The following GRID2 variants were observed in gnomAD, a reference collection of about 807,000 sequenced individuals.
GRID2 encodes the protein glutamate ionotropic receptor delta type subunit 2.
In GRID2, 33 loss-of-function variants were observed where a neutral mutation model predicts 114.8. That is an observed-to-expected ratio of 0.29 (90% CI 0.22 to 0.38). GRID2 has a LOEUF of 0.38. Among genes scored for constraint, GRID2 ranks in the 10% least tolerant of loss-of-function variants. The probability of loss-of-function intolerance (pLI) is 1.00; values close to 1 mark genes in which losing one functional copy is unlikely to be tolerated. For missense variants in GRID2, 1,184 were observed against 1,257.7 expected, an observed-to-expected ratio of 0.94 and a Z score of 0.89; for synonymous variants, 505 against 449.9, an observed-to-expected ratio of 1.12 and a Z score of -1.55.
intron 4 of GRID2, among the ~76,000 whole-genome samples, chr4:93,155,963 A>G (rs1024052995): frequency 1.3e-5 from 2 of 151,818 alleles, no homozygotes; most frequent in Non-Finnish European, 2.9e-5. Context: ...AAAATCTAAA[A>G]GAGTAGAATT....
chr4:92,608,399 G>A (rs972102479), intron 2 of GRID2, among the ~76,000 whole-genome samples: 4 of 151,920 alleles, frequency 2.6e-5, no homozygotes, highest in African/African-American at 7.2e-5. Context: ...CAAAGATGCC[G>A]CTTCAAAGGT....
chr4:92,316,041 G>T (rs191155698), intron 1 of GRID2, among the ~76,000 whole-genome samples: 21 of 143,240 alleles, frequency 1.5e-4, no homozygotes, highest in Admixed American at 2.8e-4. Context: ...CTGTTGTTCT[G>T]TTGTATGACA....
chr4:93,734,150 C>T (rs1287413935), intron 14 of GRID2, among the ~76,000 whole-genome samples: 1 of 152,020 alleles, frequency 6.6e-6, no homozygotes, highest in Admixed American at 6.6e-5. Flanking sequence ...AAAGTTCTCC[C>T]TCAGAGGATA....
At chr4:92,650,963 G>A (rs1375004256) in intron 2 of GRID2, among the ~76,000 whole-genome samples, 1 of 151,974 alleles carries the variant, frequency 6.6e-6, no homozygotes, top group Non-Finnish European at 1.5e-5. Context: ...TTCTGTCAAG[G>A]CAGCTGCCTC....
intron 8 of GRID2, among the ~76,000 whole-genome samples, chr4:93,268,923 T>G (rs1382270281): frequency 6.6e-6 from 1 of 152,132 alleles, no homozygotes; most frequent in African/African-American, 2.4e-5. Context: ...TGAACGAGTC[T>G]CCCTTTCCTG....
intron 1 of GRID2, among the ~76,000 whole-genome samples, chr4:92,429,445 C>G (rs1456134258): frequency 6.6e-6 from 1 of 152,030 alleles, no homozygotes; most frequent in Non-Finnish European, 1.5e-5. Context: ...CTTTTATGCC[C>G]GAATAGTACC....
intron 2 of GRID2, among the ~76,000 whole-genome samples, chr4:92,777,856 A>G (rs962885093): frequency 2.6e-5 from 4 of 152,082 alleles, no homozygotes; most frequent in African/African-American, 9.7e-5. Flanking sequence ...CAGATTCCAG[A>G]ACTATATGAG....
chr4:93,389,725 T>A (rs1392074413), intron 8 of GRID2, among the ~76,000 whole-genome samples: 1 of 152,100 alleles, frequency 6.6e-6, no homozygotes, highest in Non-Finnish European at 1.5e-5. Context: ...ATGACTTTAT[T>A]AAAAGAGGTT....
chr4:92,381,943 A>T (rs1489711986), intron 1 of GRID2, among the ~76,000 whole-genome samples: 2 of 151,996 alleles, frequency 1.3e-5, no homozygotes, highest in Non-Finnish European at 2.9e-5. Context: ...CTAGATATTG[A>T]TTTATTACTA....
At chr4:92,956,359 C>T (rs1323903042) in intron 2 of GRID2, among the ~76,000 whole-genome samples, 1 of 152,196 alleles carries the variant, frequency 6.6e-6, no homozygotes, top group Non-Finnish European at 1.5e-5. Flanking sequence ...AGTTTCACCA[C>T]TCAAAATCCT....
intron 11 of GRID2, among the ~76,000 whole-genome samples, chr4:93,474,609 G>A (rs1002099762): frequency 2.0e-5 from 3 of 152,148 alleles, no homozygotes; most frequent in South Asian, 2.1e-4. Flanking sequence ...GGGAGAAAAC[G>A]AAATGGAAAT....
At chr4:92,907,554 G>A (rs1748049802) in intron 2 of GRID2, among the ~76,000 whole-genome samples, 1 of 152,028 alleles carries the variant, frequency 6.6e-6, no homozygotes, top group Admixed American at 6.5e-5. Context: ...TGGGATTACA[G>A]GCATGTGCCA....
chr4:92,371,199 A>G (rs891504942), intron 1 of GRID2, among the ~76,000 whole-genome samples: 4 of 152,218 alleles, frequency 2.6e-5, no homozygotes, highest in African/African-American at 7.2e-5. Context: ...TAAAGCCTCA[A>G]GAACTGATGT....
chr4:92,440,712 G>T (rs901014249), intron 1 of GRID2, among the ~76,000 whole-genome samples: 9 of 151,958 alleles, frequency 5.9e-5, no homozygotes, highest in Admixed American at 1.3e-4. Context: ...TGGTGGAACC[G>T]CCATCAATAA....
intron 2 of GRID2, among the ~76,000 whole-genome samples, chr4:92,807,210 G>A (rs74799883): frequency 0.012 from 1,809 of 151,936 alleles, 25 homozygotes; most frequent in East Asian, 0.075. Context: ...GACTTAAATT[G>A]AGTATTTAAA....
At chr4:92,422,883 G>T (rs977919523) in intron 1 of GRID2, among the ~76,000 whole-genome samples, 1 of 152,132 alleles carries the variant, frequency 6.6e-6, no homozygotes, top group Non-Finnish European at 1.5e-5. Context: ...TATAAACTAA[G>T]TTCCCCCCAA....
At chr4:93,722,109 G>C (rs532956494) in intron 14 of GRID2, among the ~76,000 whole-genome samples, 24 of 151,692 alleles carry the variant, frequency 1.6e-4, no homozygotes, top group African/African-American at 5.8e-4. Context: ...TAGTAGAGAT[G>C]GGGTTTCACC....
chr4:93,685,494 T>A (rs897375990), intron 14 of GRID2, among the ~76,000 whole-genome samples: 3 of 152,098 alleles, frequency 2.0e-5, no homozygotes, highest in African/African-American at 7.2e-5. Flanking sequence ...AGTGTTACTA[T>A]TTTTAACTCT....
intron 1 of GRID2, among the ~76,000 whole-genome samples, chr4:92,493,060 C>G (rs1013458162): frequency 7.0e-6 from 1 of 142,254 alleles, no homozygotes; most frequent in African/African-American, 2.7e-5. Flanking sequence ...ACCCTGGAGG[C>G]AGAGTTTGCA....
Sources: gnomAD v4.1 joint callset for allele counts (sites outside exome capture counted in the v4.1 genomes callset) on GRCh38, gnomAD v4.1.1 for gene constraint, MANE v1.5 for transcripts, NCBI Gene and HGNC (gene_info 2026-07-23, HGNC 2026-07-21) for gene names.